CTNNA3: variants seen among roughly 807,000 people sequenced by gnomAD.
CTNNA3 encodes catenin alpha-3.
A neutral mutation model predicts 95.7 loss-of-function variants in CTNNA3; 76 were observed. The ratio of observed to expected loss-of-function variants is 0.79; its 90% confidence interval spans 0.66 to 0.96. The LOEUF (loss-of-function observed/expected upper bound fraction) is 0.96, where lower values mean the gene tolerates loss of function less well. Among genes scored for constraint, CTNNA3 ranks in the 40% least tolerant of loss-of-function variants. The probability of loss-of-function intolerance (pLI) is 0.00; values close to 1 mark genes in which losing one functional copy is unlikely to be tolerated. For missense variants in CTNNA3, 1,191 were observed against 1,089.8 expected, an observed-to-expected ratio of 1.09 and a Z score of -1.31; for synonymous variants, 431 against 374.4, an observed-to-expected ratio of 1.15 and a Z score of -1.74.
intron 1 of CTNNA3, among the ~76,000 whole-genome samples, chr10:67,682,024 G>C (rs928734285): frequency 6.6e-6 from 1 of 152,026 alleles, no homozygotes; most frequent in African/African-American, 2.4e-5. Flanking sequence ...CAGGCGTGGT[G>C]GTGGGCACCC....
intron 17 of CTNNA3, among the ~76,000 whole-genome samples, chr10:65,926,363 G>A (rs1422262940): frequency 6.6e-6 from 1 of 151,902 alleles, no homozygotes; most frequent in East Asian, 1.9e-4. Flanking sequence ...GTACCTGAGA[G>A]TGCCACTGTG....
chr10:67,286,236 C>A (rs980096511), intron 5 of CTNNA3, among the ~76,000 whole-genome samples: 2 of 152,204 alleles, frequency 1.3e-5, no homozygotes, highest in South Asian at 4.1e-4. Flanking sequence ...CTCTTACCCT[C>A]ACACAGAACA....
At chr10:67,222,144 GTTCC>G (rs1479058943) in intron 5 of CTNNA3, among the ~76,000 whole-genome samples, 2 of 152,140 alleles carry the variant, frequency 1.3e-5, no homozygotes, top group African/African-American at 4.8e-5. Context: ...TATATTTTTA[GTTCC>G]TTCCCTTCTG....
At position 67,260,283 on chromosome 10, in the gene CTNNA3, C is replaced by T. The variant is rs545694053; in HGVS notation, c.580-40413G>A. Among the ~76,000 whole-genome samples the T allele has an allele frequency of 8.4e-4, 128 of 152,234 alleles. 1 individual carries two copies. The highest frequency in any genetic ancestry group is 3.1e-3 in the African/African-American group (127 of 41,536). On this transcript the variant is annotated intron_variant, in intron 5 of 17. Transcript: ENST00000433211. ...AGAAGATGCTACACTCGGAAGAGGA[C>T]CCAAAGTAGCCACAGTGCAGAATGG... is the stretch of plus-strand genomic sequence containing the variant.
intron 7 of CTNNA3, among the ~76,000 whole-genome samples, chr10:67,030,111 T>C (rs1002763149): frequency 6.6e-5 from 10 of 152,360 alleles, no homozygotes; most frequent in African/African-American, 2.4e-4. Flanking sequence ...AAATAATCTG[T>C]TTTCAAAGTT....
intron 7 of CTNNA3, among the ~76,000 whole-genome samples, chr10:66,856,740 A>G (rs1034588806): frequency 3.3e-5 from 5 of 151,784 alleles, no homozygotes; most frequent in African/African-American, 1.2e-4. Context: ...TCCTTTGCCC[A>G]TGTTTTATGG....
chr10:66,984,823 A>G (rs967956107), intron 7 of CTNNA3, among the ~76,000 whole-genome samples: 2 of 152,294 alleles, frequency 1.3e-5, no homozygotes, highest in Admixed American at 1.3e-4. Flanking sequence ...TCACAAATAA[A>G]CAGAATTAGG....
intron 12 of CTNNA3, among the ~76,000 whole-genome samples, chr10:66,326,395 C>T (rs958302364): frequency 2.6e-5 from 4 of 152,036 alleles, no homozygotes; most frequent in African/African-American, 7.2e-5. Context: ...AAATACCTTA[C>T]AATTTGGCCT....
chr10:65,939,775 A>G (rs1414852015), intron 17 of CTNNA3, among the ~76,000 whole-genome samples: 1 of 152,164 alleles, frequency 6.6e-6, no homozygotes, highest in East Asian at 1.9e-4. Context: ...AATAATTTGT[A>G]TGATTATTTG....
At chr10:65,955,453 C>T (rs2077710124) in intron 17 of CTNNA3, among the ~76,000 whole-genome samples, 1 of 152,166 alleles carries the variant, frequency 6.6e-6, no homozygotes, top group Non-Finnish European at 1.5e-5. Context: ...AGAAGGCATC[C>T]CTGTCTTGCG....
chr10:66,074,727 A>C (rs1055368812), intron 14 of CTNNA3, among the ~76,000 whole-genome samples: 2 of 151,746 alleles, frequency 1.3e-5, no homozygotes, highest in African/African-American at 2.4e-5. Context: ...TAATCTTGTG[A>C]ACACAACTAT....
intron 7 of CTNNA3, among the ~76,000 whole-genome samples, chr10:66,872,037 T>C (rs1159814316): frequency 6.6e-6 from 1 of 152,192 alleles, no homozygotes; most frequent in African/African-American, 2.4e-5. Context: ...CCAAATTCAT[T>C]TTATAGCCCA....
chr10:66,307,952 T>C (rs1179860879), intron 12 of CTNNA3, among the ~76,000 whole-genome samples: 2 of 152,152 alleles, frequency 1.3e-5, no homozygotes, highest in East Asian at 1.9e-4. Context: ...TGGGCAGTAG[T>C]TCCTGAGGCA....
At chr10:67,110,362 CA>C (rs201393286) in intron 7 of CTNNA3, among the ~76,000 whole-genome samples, 4 of 150,692 alleles carry the variant, frequency 2.7e-5, no homozygotes, top group African/African-American at 4.9e-5. Flanking sequence ...ACTTGGCTTA[CA>C]AAAAAAAATC....
chr10:67,632,028 T>C (rs554633426), intron 2 of CTNNA3, among the ~76,000 whole-genome samples: 6 of 152,206 alleles, frequency 3.9e-5, no homozygotes, highest in Non-Finnish European at 8.8e-5. Context: ...TTAAGATGAA[T>C]AAGTTTTGGG....
At chr10:67,107,224 G>A (rs1378886822) in intron 7 of CTNNA3, among the ~76,000 whole-genome samples, 2 of 152,140 alleles carry the variant, frequency 1.3e-5, no homozygotes, top group African/African-American at 4.8e-5. Context: ...CTCAATTTTT[G>A]TCCTGATTGC....
intron 7 of CTNNA3, among the ~76,000 whole-genome samples, chr10:67,154,972 A>C (rs1861240423): frequency 6.6e-6 from 1 of 152,142 alleles, no homozygotes; most frequent in Admixed American, 6.5e-5. Flanking sequence ...GGCCTCTAAC[A>C]TAGAGAGGTT....
At chr10:66,951,845 T>C (rs568423289) in intron 7 of CTNNA3, among the ~76,000 whole-genome samples, 1 of 152,330 alleles carries the variant, frequency 6.6e-6, no homozygotes, top group South Asian at 2.1e-4. Context: ...TCATCTCACC[T>C]GGCCTGATTA....
At chr10:66,064,134 A>C (rs1353508428) in intron 15 of CTNNA3, among the ~76,000 whole-genome samples, 1 of 152,118 alleles carries the variant, frequency 6.6e-6, no homozygotes, top group Non-Finnish European at 1.5e-5. Flanking sequence ...GAAGCAAGGC[A>C]CCTTCTTTAC....
Sources: allele counts gnomAD v4.1 joint callset (sites outside exome capture counted in the v4.1 genomes callset), GRCh38; gene constraint gnomAD v4.1.1; transcripts MANE v1.5; gene names NCBI Gene and HGNC (gene_info 2026-07-23, HGNC 2026-07-21).